The following PABPC3 variants were observed in gnomAD, a reference collection of about 807,000 sequenced individuals.
The protein encoded by PABPC3 is poly(A) binding protein cytoplasmic 3.
A neutral mutation model predicts 43.0 loss-of-function variants in PABPC3; 43 were observed. The ratio of observed to expected loss-of-function variants is 1.00; its 90% CI spans 0.78 to 1.29. PABPC3 has a LOEUF of 1.29. PABPC3 is among the 50% of genes most tolerant of loss of function. The pLI is 0.00. For missense variants in PABPC3, 784 were observed against 798.1 expected (o/e 0.98, Z 0.21); for synonymous variants, 221 against 274.6 (o/e 0.80, Z 1.93).
In PABPC3 at chr13:25,096,784, A is replaced by G. The variant is rs780825449; in HGVS notation, c.586A>G (p.Lys196Glu). Residue 196 changes from lysine to glutamate, a missense_variant, in exon 1 of 1, where the codon AAG becomes GAG. Transcript: ENST00000281589. Reference protein sequence around the residue: ...RAKEFPNVYIKNFGEDMDDER... With the variant: ...RAKEFPNVYIENFGEDMDDER... ...AAAAGAGTTCCCCAATGTTTACATCAAGAATTTTGGAGAAGACATGGATGA... is the reference window on the plus strand; with the variant it reads ...AAAAGAGTTCCCCAATGTTTACATCGAGAATTTTGGAGAAGACATGGATGA... 92 of 1,614,308 alleles carry G rather than the reference A, an allele frequency of 5.7e-5. No individual in the cohort carries two copies. The highest frequency in any genetic ancestry group is 8.3e-5 in the Admixed American group (5 of 60,036).
rs761752532 is a variant in PABPC3, at chr13:25,096,348, C to T, written c.150C>T (p.Gly50=). 1.9e-6 allele frequency: 3 copies of T among 1,614,240 alleles called. No individual in the cohort carries two copies. The highest frequency in any genetic ancestry group is 1.1e-5 in the South Asian group (1 of 91,084). Reference sequence around the variant, plus strand: ...TCTGCAGGGACTTGATCACCAGCGGCTCCTCCAACTACGCGTATGTGAACT... The same window carrying T: ...TCTGCAGGGACTTGATCACCAGCGGTTCCTCCAACTACGCGTATGTGAACT... ...IRICRDLITS[G]SSNYAYVNFQ... is the part of the protein sequence containing the mutation. Residue 50 remains glycine, a synonymous_variant, in exon 1 of 1, where the codon GGC becomes GGT. Coordinates refer to ENST00000281589, the MANE Select transcript of PABPC3 (RefSeq NM_030979.3).
rs745417558 is a variant in PABPC3, at chr13:25,096,384, G to C, written c.186G>C (p.Thr62=). The C allele has an allele frequency of 1.9e-5, 30 of 1,614,080 alleles. No homozygotes were observed. The highest frequency in any genetic ancestry group is 2.4e-5 in the Non-Finnish European group (28 of 1,180,020). The change falls in exon 1 of 1, where the codon ACG becomes ACC. Residue 62 remains threonine, a synonymous_variant. Transcript: ENST00000281589. ...SNYAYVNFQH[T]KDAEHALDTM... is the part of the protein sequence containing the mutation. ...ACGCGTATGTGAACTTCCAGCATAC[G>C]AAGGACGCGGAGCATGCTCTGGACA...
At position 25,096,216 on chromosome 13, in the gene PABPC3, C is replaced by A. The variant is rs780093941; in HGVS notation, c.18C>A (p.Pro6=). Residue 6 remains proline (P), a synonymous_variant, in exon 1 of 1, where the codon CCC becomes CCA. Transcript: ENST00000281589. MNPST[P]SYPTASLYVG... is the part of the protein sequence containing the mutation. The stretch of plus-strand genomic sequence containing the variant: ...TGCCGAGAATGAACCCCAGCACCCC[C>A]AGCTACCCAACGGCCTCGCTCTACG... 3 of 1,613,236 alleles carry A rather than the reference C, an allele frequency of 1.9e-6. No individual in the cohort carries two copies.
At position 25,096,306 on chromosome 13, in the gene PABPC3, C is replaced by A; in HGVS notation, c.108C>A (p.Pro36=). The A allele has an allele frequency of 6.2e-7, 1 of 1,614,270 alleles. No homozygotes were observed. The highest frequency in any genetic ancestry group is 8.5e-7 in the Non-Finnish European group (1 of 1,180,054). Residue 36 remains proline, a synonymous_variant, in exon 1 of 1, where the codon CCC becomes CCA. Coordinates refer to ENST00000281589, the MANE Select transcript of PABPC3 (RefSeq NM_030979.3). ...ACGAGAAGTTCAGCCCGGCAGGGCCCATCCTCTCCATCCGGATCTGCAGGG... is the reference window on the plus strand; with the variant it reads ...ACGAGAAGTTCAGCCCGGCAGGGCCAATCCTCTCCATCCGGATCTGCAGGG... ...MLYEKFSPAG[P]ILSIRICRDL...
Position 25,096,148 on chromosome 13 carries a change from C to T in PABPC3, c.-51C>T, listed in dbSNP as rs754270407. 9 of 1,568,072 alleles carry T rather than the reference C, an allele frequency of 5.7e-6. No homozygotes were observed. The highest frequency in any genetic ancestry group is 5.3e-5 in the Admixed American group (3 of 56,642). Reference sequence around the variant, plus strand: ...CCCCGGCCCCGGCACGCGCTCTACTCCTGTAACGGAAAGGTCGCGGCTTGT... The same window carrying T: ...CCCCGGCCCCGGCACGCGCTCTACTTCTGTAACGGAAAGGTCGCGGCTTGT... On this transcript the variant is annotated 5_prime_UTR_variant, in exon 1 of 1. Coordinates refer to ENST00000281589, the MANE Select transcript of PABPC3 (RefSeq NM_030979.3).
chr13:25,098,006 A>G lies in PABPC3; in HGVS notation c.1808A>G (p.Asp603Gly). The change falls in exon 1 of 1, where the codon GAT becomes GGT. Residue 603 changes from aspartate to glycine, a missense_variant. Coordinates refer to ENST00000281589, the MANE Select transcript of PABPC3 (RefSeq NM_030979.3). ...CCAGAGTCACTCCGTTCTAAGGTTG[A>G]TGAAGCTGTAGCTGTACTACAAGCC... The part of the protein sequence containing the change: ...ESPESLRSKV[D>G]EAVAVLQAHQ... 1 of 1,614,052 alleles carries G rather than the reference A, an allele frequency of 6.2e-7. No homozygotes were observed. Among genetic ancestry groups the G allele is most frequent in the Admixed American group, 1.7e-5 (1 of 60,024 alleles).
rs1956035075 is a variant in PABPC3 at position 25,096,260 on chromosome 13, A to T, written c.62A>T (p.Asp21Val). 6.2e-7 allele frequency: 1 copy of T among 1,614,090 alleles called. No individual in the cohort carries two copies. Among genetic ancestry groups the T allele is most frequent in the African/African-American group, 1.3e-5 (1 of 74,930 alleles). Residue 21 changes from aspartate to valine, a missense_variant, in exon 1 of 1, where the codon GAC (aspartate) becomes GTC (valine). By Grantham distance (152) the Asp-to-Val change is radical (BLOSUM62 -3). Transcript: ENST00000281589. ...ASLYVGDLHP[D>V]VTEAMLYEKF... Reference sequence around the variant, plus strand: ...CTCTACGTGGGGGACCTCCACCCCGACGTGACTGAGGCGATGCTCTACGAG... The same window carrying T: ...CTCTACGTGGGGGACCTCCACCCCGTCGTGACTGAGGCGATGCTCTACGAG...
In PABPC3 at chr13:25,098,967, T is replaced by A. The variant is rs1956065288; in HGVS notation, c.*873T>A. 1 of 166,960 alleles carries A rather than the reference T, an allele frequency of 6.0e-6. No homozygotes were observed. 10.3% of individuals were successfully genotyped at this position (166,960 alleles called of 1,614,324 possible). A position where few individuals can be genotyped will look rare whatever the true frequency, so the allele number is the denominator to read the frequency against. On this transcript the variant is annotated 3_prime_UTR_variant, in exon 1 of 1. Coordinates refer to ENST00000281589, the MANE Select transcript of PABPC3 (RefSeq NM_030979.3). The stretch of plus-strand genomic sequence containing the variant: ...TAGTTATTTCTTGGTTTATCAATTT[T>A]GTAATTTAACTATTGACTTCCTGCT...
In PABPC3 at chr13:25,097,111, A is replaced by C. The variant is rs1956045225; in HGVS notation, c.913A>C (p.Ile305Leu). 1 of 1,614,304 alleles carries C rather than the reference A, an allele frequency of 6.2e-7. No individual in the cohort carries two copies. The highest frequency in any genetic ancestry group is 1.3e-5 in the African/African-American group (1 of 75,090). ...NLYVKNLDDGIDDERLRKAFS... is the reference protein window; with the variant it reads ...NLYVKNLDDGLDDERLRKAFS... ...TTATGTGAAAAATCTTGATGATGGTATTGATGATGAACGTCTCCGGAAAGC... is the reference window on the plus strand; with the variant it reads ...TTATGTGAAAAATCTTGATGATGGTCTTGATGATGAACGTCTCCGGAAAGC... Residue 305 changes from isoleucine to leucine, a missense_variant, in exon 1 of 1, where the codon ATT becomes CTT. Coordinates refer to ENST00000281589, the MANE Select transcript of PABPC3 (RefSeq NM_030979.3).
In PABPC3 at chr13:25,096,532, A is replaced by G. The variant is rs760227430; in HGVS notation, c.334A>G (p.Asn112Asp). Residue 112 changes from asparagine to aspartate, a missense_variant, in exon 1 of 1, where the codon AAT (asparagine) becomes GAT (aspartate). By Grantham distance (23) the Asn-to-Asp change is conservative (BLOSUM62 1). Transcript: ENST00000281589. ...FVKNLDKSINNKALYDTVSAF... is the reference protein window; with the variant it reads ...FVKNLDKSINDKALYDTVSAF... ...TAAAAATCTGGATAAGTCCATTAAT[A>G]ATAAAGCACTGTATGATACAGTTTC... 1 of 1,614,152 alleles carries G rather than the reference A, an allele frequency of 6.2e-7. No homozygotes were observed. Among genetic ancestry groups the G allele is most frequent in the Non-Finnish European group, 8.5e-7 (1 of 1,180,054 alleles).
chr13:25,098,298 G>A lies in PABPC3; in HGVS notation c.*204G>A. The A allele has an allele frequency of 2.2e-6, 1 of 457,886 alleles. No individual in the cohort carries two copies. 28.4% of individuals were successfully genotyped at this position (457,886 alleles called of 1,614,324 possible). On this transcript the variant is annotated 3_prime_UTR_variant, in exon 1 of 1. Coordinates refer to ENST00000281589, the MANE Select transcript of PABPC3 (RefSeq NM_030979.3). ...TAATGCTAGTCCTAGATTACTTATT[G>A]ATTTAAAAACAAAAAAAAGATTACT...
rs1956047332 is a variant in PABPC3 at position 25,097,262 on chromosome 13, G to T, written c.1064G>T (p.Gly355Val). The part of the protein sequence containing the change: ...EATKAVTEMN[G>V]RIVATKPLYV... Reference sequence around the variant, plus strand: ...ACTAAAGCAGTTACAGAAATGAACGGTAGAATTGTGGCCACAAAGCCATTG... The same window carrying T: ...ACTAAAGCAGTTACAGAAATGAACGTTAGAATTGTGGCCACAAAGCCATTG... The change falls in exon 1 of 1, where the codon GGT becomes GTT. Residue 355 changes from glycine (G) to valine (V), a missense_variant. Gly to Val is a moderately radical substitution (Grantham distance 109). Transcript: ENST00000281589. 6.2e-7 allele frequency: 1 copy of T among 1,614,166 alleles called. No individual in the cohort carries two copies. Among genetic ancestry groups the T allele is most frequent in the African/African-American group, 1.3e-5 (1 of 74,962 alleles).
chr13:25,097,399 G>C lies in PABPC3; in HGVS notation c.1201G>C (p.Gly401Arg). ...GCCCAACCAGCGAGCACCTCCTTCA[G>C]GTTACTTCATGACAGCTGTCCCACA... Reference protein sequence around the residue: ...AVPNQRAPPSGYFMTAVPQTQ... With the variant: ...AVPNQRAPPSRYFMTAVPQTQ... Residue 401 changes from glycine (G) to arginine (R), a missense_variant, in exon 1 of 1, where the codon GGT becomes CGT. Coordinates refer to ENST00000281589, the MANE Select transcript of PABPC3 (RefSeq NM_030979.3). 1 of 1,614,084 alleles carries C rather than the reference G, an allele frequency of 6.2e-7. No homozygotes were observed. The highest frequency in any genetic ancestry group is 8.5e-7 in the Non-Finnish European group (1 of 1,180,024).
chr13:25,097,773 T>C lies in PABPC3; in HGVS notation c.1575T>C (p.Val525=), dbSNP rs780152071. The C allele has an allele frequency of 1.9e-6, 3 of 1,614,192 alleles. No homozygotes were observed. The highest frequency in any genetic ancestry group is 2.5e-6 in the Non-Finnish European group (3 of 1,180,034). Residue 525 remains valine (V), a synonymous_variant, in exon 1 of 1, where the codon GTT becomes GTC. Transcript: ENST00000281589. The part of the protein sequence containing the change: ...PQQHRNAQPQ[V]TMQQLAVHVQ... The stretch of plus-strand genomic sequence containing the variant: ...AACATCGTAATGCACAGCCACAAGT[T>C]ACAATGCAACAGCTTGCTGTTCATG...
Position 25,096,273 on chromosome 13 carries a change from G to A in PABPC3, c.75G>A (p.Ala25=), listed in dbSNP as rs746175919. The part of the protein sequence containing the change: ...VGDLHPDVTE[A]MLYEKFSPAG... ...ACCTCCACCCCGACGTGACTGAGGCGATGCTCTACGAGAAGTTCAGCCCGG... is the reference window on the plus strand; with the variant it reads ...ACCTCCACCCCGACGTGACTGAGGCAATGCTCTACGAGAAGTTCAGCCCGG... The change falls in exon 1 of 1, where the codon GCG becomes GCA. Residue 25 remains alanine, a synonymous_variant. Transcript: ENST00000281589. The A allele has an allele frequency of 6.2e-7, 1 of 1,614,216 alleles. No homozygotes were observed. Among genetic ancestry groups the A allele is most frequent in the South Asian group, 1.1e-5 (1 of 91,078 alleles).
rs755979182 is a variant in PABPC3, at chr13:25,096,213, C to T, written c.15C>T (p.Thr5=). Residue 5 remains threonine, a synonymous_variant, in exon 1 of 1, where the codon ACC becomes ACT. Transcript: ENST00000281589. ...CCGTGCCGAGAATGAACCCCAGCAC[C>T]CCCAGCTACCCAACGGCCTCGCTCT... MNPS[T]PSYPTASLYV... is the part of the protein sequence containing the mutation. 1.1e-5 allele frequency: 18 copies of T among 1,612,962 alleles called. No individual in the cohort carries two copies. In the East Asian group the frequency reaches 4.0e-4, roughly 36 times the overall value.
At position 25,097,020 on chromosome 13, in the gene PABPC3, G is replaced by A. The variant is rs764821852; in HGVS notation, c.822G>A (p.Thr274=). The change falls in exon 1 of 1, where the codon ACG becomes ACA. Residue 274 remains threonine, a synonymous_variant. Transcript: ENST00000281589. The part of the protein sequence containing the change: ...GRAQKKVERQ[T]ELKRTFEQMK... ...CTCAGAAAAAAGTGGAACGGCAGAC[G>A]GAACTTAAGCGCACATTTGAACAGA... 6.7e-6 allele frequency: 6 copies of A among 901,928 alleles called. No individual in the cohort carries two copies. The highest frequency in any genetic ancestry group is 4.0e-4 in the Middle Eastern group (1 of 2,496). 55.9% of individuals were successfully genotyped at this position (901,928 alleles called of 1,614,324 possible).
chr13:25,097,433 A>G lies in PABPC3; in HGVS notation c.1235A>G (p.Asn412Ser). 2 of 1,614,162 alleles carry G rather than the reference A, an allele frequency of 1.2e-6. No homozygotes were observed. Among genetic ancestry groups the G allele is most frequent in the Non-Finnish European group, 1.7e-6 (2 of 1,180,040 alleles). ...YFMTAVPQTQ[N>S]HAAYYPPSQI... ...ATGACAGCTGTCCCACAGACTCAGA[A>G]CCATGCTGCATACTATCCTCCTAGC... is the stretch of plus-strand genomic sequence containing the variant. The change falls in exon 1 of 1, where the codon AAC (asparagine) becomes AGC (serine). Residue 412 changes from asparagine (N) to serine (S), a missense_variant. Coordinates refer to ENST00000281589, the MANE Select transcript of PABPC3 (RefSeq NM_030979.3).
In PABPC3 at chr13:25,097,749, A is replaced by G. The variant is rs577248615; in HGVS notation, c.1551A>G (p.Gln517=). The G allele has an allele frequency of 6.2e-7, 1 of 1,614,224 alleles. No homozygotes were observed. Among genetic ancestry groups the G allele is most frequent in the African/African-American group, 1.3e-5 (1 of 75,072 alleles). Residue 517 remains glutamine (Q), a synonymous_variant, in exon 1 of 1, where the codon CAA becomes CAG. Transcript: ENST00000281589. Reference sequence around the variant, plus strand: ...CTGCGGGAGTTCGCAATCCTCAGCAACATCGTAATGCACAGCCACAAGTTA... The same window carrying G: ...CTGCGGGAGTTCGCAATCCTCAGCAGCATCGTAATGCACAGCCACAAGTTA... ...KYAAGVRNPQ[Q]HRNAQPQVTM...
Sources: allele counts gnomAD v4.1 joint callset, GRCh38; gene constraint gnomAD v4.1.1; transcripts MANE v1.5; gene names NCBI Gene and HGNC (gene_info 2026-07-23, HGNC 2026-07-21).